The following EPHA6 variants were observed in gnomAD, a reference collection of about 807,000 sequenced individuals.
EPHA6 encodes ephrin type-A receptor 6.
A neutral mutation model predicts 112.0 loss-of-function variants in EPHA6; 50 were observed. The observed-to-expected ratio is 0.45, with a 90% CI of 0.36 to 0.56. The LOEUF is 0.56. Among genes scored for constraint, EPHA6 ranks in the 20% least tolerant of loss-of-function variants. The pLI is 0.00. For synonymous variants in EPHA6, 529 were observed against 490.7 expected (o/e 1.08, Z -1.03); for missense variants, 1,280 against 1,417.4 (o/e 0.90, Z 1.56).
At chr3:97,571,233 C>A (rs1484411092) in intron 11 of EPHA6, among the ~76,000 whole-genome samples, 2 of 151,940 alleles carry the variant, frequency 1.3e-5, no homozygotes. Context: ...AAGCCCTAAT[C>A]AGGAAAGAGT....
At chr3:96,959,407 G>C (rs1422685302) in intron 2 of EPHA6, among the ~76,000 whole-genome samples, 1 of 151,974 alleles carries the variant, frequency 6.6e-6, no homozygotes, top group Non-Finnish European at 1.5e-5. Context: ...CTGGATACAA[G>C]TCCTTTATCA....
intron 11 of EPHA6, among the ~76,000 whole-genome samples, chr3:97,590,950 G>A (rs1047428079): frequency 2.0e-5 from 3 of 152,152 alleles, no homozygotes; most frequent in Non-Finnish European, 4.4e-5. Flanking sequence ...TATTAACTTT[G>A]TGTTCAATGA....
chr3:97,565,067 G>A (rs946943883), intron 11 of EPHA6, among the ~76,000 whole-genome samples: 3 of 152,068 alleles, frequency 2.0e-5, no homozygotes, highest in Admixed American at 6.6e-5. Flanking sequence ...AAGTAATAAA[G>A]ATCAGAATCG....
At chr3:97,299,762 T>C (rs2081020063) in intron 5 of EPHA6, among the ~76,000 whole-genome samples, 1 of 152,170 alleles carries the variant, frequency 6.6e-6, no homozygotes, top group African/African-American at 2.4e-5. Flanking sequence ...TTCTTATAAA[T>C]TGACAAATCA....
At chr3:97,498,580 G>A (rs1197255214) in intron 10 of EPHA6, among the ~76,000 whole-genome samples, 16 of 152,092 alleles carry the variant, frequency 1.1e-4, no homozygotes, top group Non-Finnish European at 1.9e-4. Context: ...TTGATGTATT[G>A]GCCTGGTAAG....
intron 3 of EPHA6, among the ~76,000 whole-genome samples, chr3:97,211,685 A>C (rs927123459): frequency 9.2e-5 from 14 of 152,272 alleles, no homozygotes; most frequent in African/African-American, 3.1e-4. Context: ...ATATGATTGC[A>C]TTGGGGATTT....
At chr3:97,565,157 C>G (rs1214246910) in intron 11 of EPHA6, among the ~76,000 whole-genome samples, 3 of 151,768 alleles carry the variant, frequency 2.0e-5, no homozygotes, top group African/African-American at 7.3e-5. Flanking sequence ...GAATAAATAT[C>G]AAAAGAATCT....
At chr3:96,886,114 A>G (rs1477732512) in intron 2 of EPHA6, among the ~76,000 whole-genome samples, 1 of 152,082 alleles carries the variant, frequency 6.6e-6, no homozygotes, top group African/African-American at 2.4e-5. Context: ...TTTTGGAGAA[A>G]GTTCCATGTG....
At position 97,000,287 on chromosome 3, in the gene EPHA6, A is replaced by ACACACACACACACATATATATAGC. The variant is rs138184966; in HGVS notation, c.1114+12300_1114+12301insCACACACATATATATAGCCACACA. Among the ~76,000 whole-genome samples the ACACACACACACACATATATATAGC allele has an allele frequency of 8.7e-4, 128 of 147,196 alleles. 1 individual carries two copies. The highest frequency in any genetic ancestry group is 2.4e-3 in the African/African-American group (93 of 39,194). On this transcript the variant is annotated intron_variant, in intron 3 of 17. Coordinates refer to ENST00000389672, the MANE Select transcript of EPHA6 (RefSeq NM_001080448.3). Reference sequence around the variant, plus strand: ...AACACACACACACACACACACACACACACACATATATATAGCCATATATAG... The same window carrying ACACACACACACACATATATATAGC: ...AACACACACACACACACACACACACACACACACACACACATATATATAGCCACACATATATATAGCCATATATAG...
intron 5 of EPHA6, among the ~76,000 whole-genome samples, chr3:97,341,555 A>G (rs1220536700): frequency 5.3e-5 from 8 of 151,958 alleles, no homozygotes; most frequent in African/African-American, 9.7e-5. Flanking sequence ...GGGTTTCACC[A>G]TGTTGGCCAG....
At chr3:97,039,369 T>A (rs990054932) in intron 3 of EPHA6, among the ~76,000 whole-genome samples, 5 of 152,102 alleles carry the variant, frequency 3.3e-5, no homozygotes, top group Admixed American at 6.6e-5. Flanking sequence ...GAGTGGTTCA[T>A]CGGAATTTCA....
chr3:97,211,446 C>G (rs758441706), intron 3 of EPHA6, among the ~76,000 whole-genome samples: 9 of 152,160 alleles, frequency 5.9e-5, no homozygotes, highest in Non-Finnish European at 1.0e-4. Context: ...GCTTAAACAG[C>G]AGAGATGTTT....
chr3:97,169,940 A>G (rs1179293940), intron 3 of EPHA6, among the ~76,000 whole-genome samples: 1 of 152,112 alleles, frequency 6.6e-6, no homozygotes, highest in Non-Finnish European at 1.5e-5. Context: ...CACGGAGGGG[A>G]ACATCACACA....
In EPHA6 at chr3:97,360,724, T is replaced by G. The variant is rs2084328877; in HGVS notation, c.1607-44426T>G. ...TACAATTCGAGAAAATAAGATGCAT[T>G]TAGAAGATAATGTATGTAACTCTAA... On this transcript the variant is annotated intron_variant, in intron 5 of 17. Coordinates refer to ENST00000389672, the MANE Select transcript of EPHA6 (RefSeq NM_001080448.3). Among the ~76,000 whole-genome samples the G allele has an allele frequency of 5.3e-5, 8 of 152,330 alleles. No homozygotes were observed. In the South Asian group the frequency reaches 1.7e-3, roughly 32 times the overall value.
At chr3:97,602,790 C>A (rs1233768658) in intron 12 of EPHA6, among the ~76,000 whole-genome samples, 1 of 151,942 alleles carries the variant, frequency 6.6e-6, no homozygotes, top group Non-Finnish European at 1.5e-5. Flanking sequence ...TTAAATTATA[C>A]AAACAGATTT....
intron 3 of EPHA6, among the ~76,000 whole-genome samples, chr3:97,152,994 A>G (rs1314967020): frequency 6.6e-6 from 1 of 152,152 alleles, no homozygotes; most frequent in Non-Finnish European, 1.5e-5. Flanking sequence ...TTATCATCTA[A>G]TAATCATTCT....
At chr3:97,547,827 G>A (rs1390967493) in intron 11 of EPHA6, among the ~76,000 whole-genome samples, 9 of 152,206 alleles carry the variant, frequency 5.9e-5, no homozygotes, top group South Asian at 2.1e-4. Flanking sequence ...TGCTGTGCTA[G>A]CAATGAGCGA....
chr3:97,198,525 A>AT (rs34768753), intron 3 of EPHA6, among the ~76,000 whole-genome samples: 53,522 of 151,872 alleles, frequency 0.35, 11,035 homozygotes, highest in African/African-American at 0.57. Context: ...TGTGGCATAC[A>AT]AGCACTCTGG....
chr3:97,401,569 C>G (rs1387354462), intron 5 of EPHA6, among the ~76,000 whole-genome samples: 2 of 151,396 alleles, frequency 1.3e-5, no homozygotes, highest in Non-Finnish European at 3.0e-5. Flanking sequence ...TGTTCTTTCT[C>G]TTTTTCTTAG....
Sources: allele counts gnomAD v4.1 joint callset (sites outside exome capture counted in the v4.1 genomes callset), GRCh38; gene constraint gnomAD v4.1.1; transcripts MANE v1.5; gene names NCBI Gene and HGNC (gene_info 2026-07-23, HGNC 2026-07-21).